FER: variants seen among roughly 807,000 people sequenced by gnomAD.
FER encodes the protein tyrosine-protein kinase Fer.
Under a neutral mutation model 111.0 loss-of-function variants are expected in FER, and 63 were observed. That is an observed-to-expected ratio of 0.57 (90% confidence interval 0.46 to 0.70). The LOEUF (loss-of-function observed/expected upper bound fraction) is 0.70, where lower values mean the gene tolerates loss of function less well. Ranked by LOEUF, FER falls within the 30% of genes least tolerant of loss-of-function variation. FER has a pLI of 0.00. For missense variants in FER, 914 were observed against 954.0 expected (o/e 0.96, Z 0.55); for synonymous variants, 327 against 313.9 (o/e 1.04, Z -0.44).
chr5:108,792,299 G>A (rs1359629234), intron 2 of FER, among the ~76,000 whole-genome samples: 1 of 152,076 alleles, frequency 6.6e-6, no homozygotes, highest in Admixed American at 6.6e-5. Context: ...TAAATCTTTT[G>A]ATCTGTGAAC....
At chr5:108,800,982 G>A (rs900512027) in intron 3 of FER, among the ~76,000 whole-genome samples, 1 of 152,172 alleles carries the variant, frequency 6.6e-6, no homozygotes, top group Admixed American at 6.5e-5. Flanking sequence ...GGGAGGCGGA[G>A]CTTGCAGTGA....
chr5:108,956,520 A>C (rs1319473170), intron 12 of FER, among the ~76,000 whole-genome samples: 1 of 151,650 alleles, frequency 6.6e-6, no homozygotes, highest in African/African-American at 2.4e-5. Flanking sequence ...GCTTGTTTTT[A>C]ATATTGCCAT....
At chr5:109,137,033 C>T (rs1752968472) in intron 17 of FER, among the ~76,000 whole-genome samples, 1 of 152,052 alleles carries the variant, frequency 6.6e-6, no homozygotes. Context: ...TAGTGCTGTG[C>T]GTTAAAATAG....
rs3839303 is a variant in FER, at chr5:109,070,133, A to AT, written c.1924+22946dup. Among the ~76,000 whole-genome samples the AT allele has an allele frequency of 2.9e-3, 438 of 149,098 alleles. 4 individuals are homozygous for AT. The highest frequency in any genetic ancestry group is 7.7e-3 in the African/African-American group (315 of 40,818). On this transcript the variant is annotated intron_variant, in intron 16 of 19. Transcript: ENST00000281092. ...ATAACCTTTTTAATAATAAAGGTTG[A>AT]TTTTTTTTTTTCATCTCCGCAACCA...
At chr5:109,128,305 C>G (rs1751975454) in intron 17 of FER, among the ~76,000 whole-genome samples, 1 of 151,676 alleles carries the variant, frequency 6.6e-6, no homozygotes, top group African/African-American at 2.4e-5. Context: ...TTCCCAGATT[C>G]TCACATTTGT....
At chr5:109,183,248 GTT>G (rs10682212) in intron 18 of FER, among the ~76,000 whole-genome samples, 4 of 115,666 alleles carry the variant, frequency 3.5e-5, no homozygotes, top group Admixed American at 9.1e-5. Context: ...ATCCTAGCGT[GTT>G]TTTTTTTTTT....
chr5:109,070,754 T>C (rs1162917285), intron 16 of FER, among the ~76,000 whole-genome samples: 2 of 151,950 alleles, frequency 1.3e-5, no homozygotes, highest in African/African-American at 4.8e-5. Context: ...CTATATTATT[T>C]AGAAAAAAGG....
intron 1 of FER, among the ~76,000 whole-genome samples, chr5:108,749,489 G>A (rs112949822): frequency 0.067 from 10,222 of 152,140 alleles, 434 homozygotes; most frequent in South Asian, 0.091. Flanking sequence ...TCTGGGCGCC[G>A]CCGTCCCGCT....
Position 109,187,537 on chromosome 5 carries a change from C to CAGAA in FER, c.2435_2438dup (p.Leu814ArgfsTer29). On this transcript the variant is annotated frameshift_variant, in exon 20 of 20. Transcript: ENST00000281092. LOFTEE classifies it high-confidence loss of function. ...AAATCGCCCTAAGTTCAGTGAACTT[C>CAGAA]AGAAAGAGCTCACTATCATCAAGAG... 7 of 1,614,114 alleles carry CAGAA rather than the reference C, an allele frequency of 4.3e-6. No individual in the cohort carries two copies. The highest frequency in any genetic ancestry group is 5.9e-6 in the Non-Finnish European group (7 of 1,180,008).
intron 17 of FER, among the ~76,000 whole-genome samples, chr5:109,166,427 C>T (rs908690730): frequency 9.2e-5 from 14 of 152,280 alleles, no homozygotes; most frequent in African/African-American, 3.4e-4. Flanking sequence ...TAGCTCTGCT[C>T]CCTCCCTGAA....
chr5:109,014,407 T>C lies in FER; in HGVS notation c.1657-23015T>C, dbSNP rs548652760. On this transcript the variant is annotated intron_variant, in intron 13 of 19. Coordinates refer to ENST00000281092, the MANE Select transcript of FER (RefSeq NM_005246.4). The stretch of plus-strand genomic sequence containing the variant: ...AGATAGTTGTAGATATACGGCCTTA[T>C]TTCTGAGGGCTCTGTTCTGTTCCAT... 1.6e-4 allele frequency among the ~76,000 whole-genome samples: 24 copies of C among 152,358 alleles called. No homozygotes were observed. The East Asian group carries it at 3.9e-3, about 24-fold the overall frequency.
rs1224087033 is a variant in FER, at chr5:109,131,863, A to G, written c.2048+31344A>G. On this transcript the variant is annotated intron_variant, in intron 17 of 19. Coordinates refer to ENST00000281092, the MANE Select transcript of FER (RefSeq NM_005246.4). ...TTGTTTAGCCATGTTAGTATCATGC[A>G]TACTCCTTGTTACAGTAGCCAGACA... 3.3e-5 allele frequency among the ~76,000 whole-genome samples: 5 copies of G among 152,304 alleles called. No homozygotes were observed. In the East Asian group the frequency reaches 9.6e-4, roughly 29 times the overall value.
chr5:109,006,335 T>C (rs1765493259), intron 13 of FER, among the ~76,000 whole-genome samples: 1 of 152,148 alleles, frequency 6.6e-6, no homozygotes, highest in South Asian at 2.1e-4. Context: ...GAGTCTTTCC[T>C]GTGCTGTTCT....
At chr5:109,170,853 A>C (rs189179963) in intron 17 of FER, among the ~76,000 whole-genome samples, 1 of 152,212 alleles carries the variant, frequency 6.6e-6, no homozygotes, top group Non-Finnish European at 1.5e-5. Flanking sequence ...AGGACCATCT[A>C]CCACCTCTGT....
chr5:109,192,335 C>G lies in FER; in HGVS notation c.*4760C>G, dbSNP rs1759439523. ...GTGTCATTAGGAAGCCTGAGGAGAA[C>G]ATGCTACAAGGCCAGATCCTGTCCT... On this transcript the variant is annotated 3_prime_UTR_variant, in exon 20 of 20. Transcript: ENST00000281092. 1 of 152,148 alleles carries G rather than the reference C, an allele frequency of 6.6e-6. No individual in the cohort carries two copies. The highest frequency in any genetic ancestry group is 6.6e-5 in the Admixed American group (1 of 15,254). The allele number at this position is 152,148 out of a possible 1,614,324, so 9.4% of individuals were successfully genotyped here. A position where few individuals can be genotyped will look rare whatever the true frequency, so the allele number is the denominator to read the frequency against.
At chr5:109,050,873 T>G (rs1236912334) in intron 16 of FER, among the ~76,000 whole-genome samples, 3 of 152,172 alleles carry the variant, frequency 2.0e-5, no homozygotes, top group Admixed American at 6.5e-5. Context: ...GTCTTTTTCT[T>G]GTTGAAAAGA....
At chr5:108,986,059 G>A (rs1334144592) in intron 13 of FER, among the ~76,000 whole-genome samples, 1 of 152,158 alleles carries the variant, frequency 6.6e-6, no homozygotes, top group Non-Finnish European at 1.5e-5. Context: ...CACCAGCAGT[G>A]TAGAAGTGTT....
At chr5:109,141,149 T>G (rs1380059732) in intron 17 of FER, among the ~76,000 whole-genome samples, 1 of 152,174 alleles carries the variant, frequency 6.6e-6, no homozygotes. Context: ...TGTTAAGAAC[T>G]CTACAGAATA....
At chr5:109,075,627 G>A (rs1156844214) in intron 16 of FER, among the ~76,000 whole-genome samples, 1 of 151,918 alleles carries the variant, frequency 6.6e-6, no homozygotes, top group Non-Finnish European at 1.5e-5. Context: ...GTTTCACCGT[G>A]TTAGCCAGGA....
Sources: gnomAD v4.1 joint callset for allele counts (sites outside exome capture counted in the v4.1 genomes callset) on GRCh38, gnomAD v4.1.1 for gene constraint, MANE v1.5 for transcripts, NCBI Gene and HGNC (gene_info 2026-07-23, HGNC 2026-07-21) for gene names.